Variants in GNAQ observed in about 807,000 individuals in gnomAD.
GNAQ encodes guanine nucleotide-binding protein G(q) subunit alpha.
Under a neutral mutation model 43.9 loss-of-function variants are expected in GNAQ, and 8 were observed. The ratio of observed to expected loss-of-function variants is 0.18; its 90% CI spans 0.11 to 0.33. The LOEUF is 0.33. GNAQ is among the 10% of genes least tolerant of loss of function. The probability of loss-of-function intolerance (pLI) is 1.00; values close to 1 mark genes in which losing one functional copy is unlikely to be tolerated. For synonymous variants in GNAQ, 155 were observed against 170.7 expected, an observed-to-expected ratio of 0.91 and a Z score of 0.71; for missense variants, 158 against 450.8, an observed-to-expected ratio of 0.35 and a Z score of 5.88.
At chr9:77,742,355 C>T (rs148908855) in intron 5 of GNAQ, among the ~76,000 whole-genome samples, 26 of 152,156 alleles carry the variant, frequency 1.7e-4, no homozygotes, top group Admixed American at 5.2e-4. Flanking sequence ...GGAAGAACTA[C>T]GCATTTTTTG....
intron 2 of GNAQ, among the ~76,000 whole-genome samples, chr9:77,921,059 G>C (rs1406866578): frequency 6.6e-6 from 1 of 152,168 alleles, no homozygotes. Flanking sequence ...CAAAAGTACT[G>C]AGAGAATGAA....
intron 3 of GNAQ, among the ~76,000 whole-genome samples, chr9:77,805,464 G>A (rs1407010843): frequency 2.0e-5 from 3 of 151,978 alleles, no homozygotes; most frequent in Non-Finnish European, 2.9e-5. Context: ...GAGTGCAATG[G>A]CATGATCTTG....
chr9:77,827,817 T>TA (rs1449063556), intron 2 of GNAQ, among the ~76,000 whole-genome samples: 3 of 151,810 alleles, frequency 2.0e-5, no homozygotes, highest in Non-Finnish European at 2.9e-5. Context: ...AATCTCTTGT[T>TA]AAAAAATATA....
intron 2 of GNAQ, among the ~76,000 whole-genome samples, chr9:77,828,243 T>G (rs914387940): frequency 2.0e-5 from 3 of 152,134 alleles, no homozygotes; most frequent in African/African-American, 7.2e-5. Flanking sequence ...AATAGCAGAT[T>G]TAAGATAGAT....
chr9:78,008,705 G>A (rs763408532), intron 1 of GNAQ, among the ~76,000 whole-genome samples: 8 of 151,994 alleles, frequency 5.3e-5, no homozygotes, highest in Non-Finnish European at 1.0e-4. Context: ...CACAACCTCC[G>A]CCTCCTGGGT....
intron 1 of GNAQ, among the ~76,000 whole-genome samples, chr9:77,960,662 C>G (rs1024845056): frequency 6.6e-6 from 1 of 152,058 alleles, no homozygotes; most frequent in Non-Finnish European, 1.5e-5. Context: ...AATGCTGGAT[C>G]ATCAATAATA....
intron 2 of GNAQ, among the ~76,000 whole-genome samples, chr9:77,873,137 T>C (rs1660585257): frequency 6.6e-6 from 1 of 152,196 alleles, no homozygotes; most frequent in Non-Finnish European, 1.5e-5. Flanking sequence ...ACAACCCACT[T>C]AGCTGAAGCT....
At chr9:77,727,760 T>A (rs1825420186) in intron 6 of GNAQ, among the ~76,000 whole-genome samples, 1 of 152,156 alleles carries the variant, frequency 6.6e-6, no homozygotes, top group African/African-American at 2.4e-5. Context: ...ATCAAGTGAC[T>A]TGATGGTAGT....
At chr9:77,770,304 C>T (rs1826203330) in intron 5 of GNAQ, among the ~76,000 whole-genome samples, 1 of 151,950 alleles carries the variant, frequency 6.6e-6, no homozygotes, top group Non-Finnish European at 1.5e-5. Flanking sequence ...GAAATTGTAT[C>T]CAATTAGATG....
intron 5 of GNAQ, among the ~76,000 whole-genome samples, chr9:77,788,297 C>T (rs4745669): frequency 0.59 from 89,131 of 151,934 alleles, 27,305 homozygotes; most frequent in Middle Eastern, 0.7. Flanking sequence ...CAGCAGGGAA[C>T]AGTCACGTAA....
chr9:78,019,632 G>T (rs1823880892), intron 1 of GNAQ, among the ~76,000 whole-genome samples: 1 of 152,018 alleles, frequency 6.6e-6, no homozygotes, highest in Non-Finnish European at 1.5e-5. Flanking sequence ...GAGACTTTAG[G>T]AACCTTTAGG....
chr9:77,916,265 A>G (rs1003395331), intron 2 of GNAQ, among the ~76,000 whole-genome samples: 39 of 152,238 alleles, frequency 2.6e-4, no homozygotes, highest in Non-Finnish European at 5.9e-5. Flanking sequence ...AGAGGGGTAG[A>G]TAAGAATATG....
At chr9:77,968,907 G>T (rs1472116492) in intron 1 of GNAQ, among the ~76,000 whole-genome samples, 2 of 152,212 alleles carry the variant, frequency 1.3e-5, no homozygotes, top group African/African-American at 4.8e-5. Context: ...GAGAGTCTGG[G>T]GGAAGTGATG....
Position 77,759,623 on chromosome 9 carries a change from C to T in GNAQ, c.736-30956G>A, listed in dbSNP as rs150442790. Reference sequence around the variant, plus strand: ...AGTGTAGAGTTTGGACTGACTTATGCTCTCCTCCTTCAATACGTAACTTAG... The same window carrying T: ...AGTGTAGAGTTTGGACTGACTTATGTTCTCCTCCTTCAATACGTAACTTAG... On this transcript the variant is annotated intron_variant, in intron 5 of 6. Coordinates refer to ENST00000286548, the MANE Select transcript of GNAQ (RefSeq NM_002072.5). 1.5e-3 allele frequency among the ~76,000 whole-genome samples: 221 copies of T among 152,206 alleles called. 4 individuals are homozygous for T. The highest frequency in any genetic ancestry group is 0.014 in the Middle Eastern group (4 of 292).
chr9:77,992,462 A>AT (rs1365420138), intron 1 of GNAQ, among the ~76,000 whole-genome samples: 1 of 152,114 alleles, frequency 6.6e-6, no homozygotes, highest in Non-Finnish European at 1.5e-5. Context: ...TGTTTTTTTA[A>AT]TTTTTTAAAC....
At chr9:77,835,947 T>C (rs996087323) in intron 2 of GNAQ, among the ~76,000 whole-genome samples, 3 of 152,158 alleles carry the variant, frequency 2.0e-5, no homozygotes, top group African/African-American at 7.2e-5. Context: ...TGGGAATGTT[T>C]CCAAAAGTGA....
chr9:77,739,032 T>C (rs2118252344), intron 5 of GNAQ, among the ~76,000 whole-genome samples: 1 of 152,306 alleles, frequency 6.6e-6, no homozygotes, highest in South Asian at 2.1e-4. Context: ...TAACAGCCTA[T>C]GAAAGCATAT....
chr9:77,748,881 T>C (rs1366483075), intron 5 of GNAQ, among the ~76,000 whole-genome samples: 1 of 152,176 alleles, frequency 6.6e-6, no homozygotes, highest in Non-Finnish European at 1.5e-5. Context: ...ATCGGACTGG[T>C]CCTGTTATAA....
At chr9:77,958,502 T>C (rs1342980037) in intron 1 of GNAQ, among the ~76,000 whole-genome samples, 1 of 152,260 alleles carries the variant, frequency 6.6e-6, no homozygotes, top group Admixed American at 6.5e-5. Context: ...TGGGAAAATT[T>C]AGGACTTCCT....
Sources: gnomAD v4.1 joint callset for allele counts (sites outside exome capture counted in the v4.1 genomes callset) on GRCh38, gnomAD v4.1.1 for gene constraint, MANE v1.5 for transcripts, NCBI Gene and HGNC (gene_info 2026-07-23, HGNC 2026-07-21) for gene names.